Variants in CPED1 observed in about 807,000 individuals in gnomAD.
CPED1 encodes the protein cadherin like and PC-esterase domain containing 1.
In CPED1, 114 loss-of-function variants were observed where a neutral mutation model predicts 128.2. That is an observed-to-expected ratio of 0.89 (90% CI 0.76 to 1.04). CPED1 has a LOEUF of 1.04. Ranked by LOEUF, CPED1 falls within the 50% of genes least tolerant of loss-of-function variation. The pLI is 0.00. For synonymous variants in CPED1, 462 were observed against 426.7 expected (o/e 1.08, Z -1.02); for missense variants, 1,211 against 1,207.1 (o/e 1.00, Z -0.05).
intron 13 of CPED1, among the ~76,000 whole-genome samples, chr7:121,135,717 T>TA (rs1183859339): frequency 1.3e-5 from 2 of 152,088 alleles, no homozygotes; most frequent in Non-Finnish European, 2.9e-5. Context: ...ATGGCACTCT[T>TA]ACAATTCTAA....
At chr7:121,254,185 A>C (rs1359559384) in intron 18 of CPED1, among the ~76,000 whole-genome samples, 1 of 152,102 alleles carries the variant, frequency 6.6e-6, no homozygotes, top group Non-Finnish European at 1.5e-5. Context: ...AACAGATTCC[A>C]AAAAATTAAA....
intron 16 of CPED1, among the ~76,000 whole-genome samples, chr7:121,221,071 C>T (rs1331396903): frequency 6.6e-6 from 1 of 152,020 alleles, no homozygotes; most frequent in African/African-American, 2.4e-5. Flanking sequence ...CACCCATCAA[C>T]TCGTCATTTA....
chr7:120,996,580 C>T (rs1405116744), intron 2 of CPED1, among the ~76,000 whole-genome samples: 1 of 152,128 alleles, frequency 6.6e-6, no homozygotes, highest in Non-Finnish European at 1.5e-5. Flanking sequence ...CCTTTTTTAG[C>T]TCTAACTTCT....
intron 3 of CPED1, among the ~76,000 whole-genome samples, chr7:121,028,681 GGAAAAAACATT>G (rs1792657674): frequency 6.6e-6 from 1 of 152,082 alleles, no homozygotes; most frequent in East Asian, 1.9e-4. Flanking sequence ...ATGATACTGT[GGAAAAAACATT>G]GGCCTAGGTT....
In CPED1 at chr7:121,185,970, C is replaced by T. The variant is rs564127992; in HGVS notation, c.2055+43829C>T. 4.6e-5 allele frequency among the ~76,000 whole-genome samples: 7 copies of T among 152,194 alleles called. No homozygotes were observed. The South Asian group carries it at 1.0e-3, about 23-fold the overall frequency. On this transcript the variant is annotated intron_variant, in intron 16 of 22. Coordinates refer to ENST00000310396, the MANE Select transcript of CPED1 (RefSeq NM_024913.5). ...TGCAAACAACTGATTAGTCATATAT[C>T]GTGTTTTAAAGTATTGAGAGTTACA...
chr7:121,236,606 C>T (rs1798260451), intron 16 of CPED1, 108 bp from the exon 17 acceptor site: 1 of 545,488 alleles, frequency 1.8e-6, no homozygotes, highest in East Asian at 3.1e-5. Flanking sequence ...ATATTTGCTC[C>T]CTTTTATCCA....
chr7:121,258,794 A>G (rs1407543759), intron 18 of CPED1, among the ~76,000 whole-genome samples: 3 of 152,104 alleles, frequency 2.0e-5, no homozygotes, highest in African/African-American at 7.2e-5. Flanking sequence ...CTTTCAATTA[A>G]TATGTAAAAT....
chr7:121,101,390 A>C (rs1184943538), intron 7 of CPED1, among the ~76,000 whole-genome samples: 1 of 152,084 alleles, frequency 6.6e-6, no homozygotes, highest in African/African-American at 2.4e-5. Context: ...CTTTAATTCT[A>C]AAAATTTGTT....
chr7:121,049,382 A>G (rs1793291525), intron 4 of CPED1, among the ~76,000 whole-genome samples: 1 of 152,218 alleles, frequency 6.6e-6, no homozygotes, highest in Non-Finnish European at 1.5e-5. Context: ...AGCTTTTGCC[A>G]TATCACAGAC....
chr7:121,139,533 A>G (rs1221308464), intron 14 of CPED1, among the ~76,000 whole-genome samples: 2 of 151,980 alleles, frequency 1.3e-5, no homozygotes, highest in African/African-American at 2.4e-5. Flanking sequence ...ACGTCCATCA[A>G]AGAAAAATAA....
At chr7:121,087,538 A>C (rs1400248202) in intron 5 of CPED1, among the ~76,000 whole-genome samples, 1 of 152,064 alleles carries the variant, frequency 6.6e-6, no homozygotes, top group Non-Finnish European at 1.5e-5. Context: ...TTTTAACTTA[A>C]AGCTAACTTG....
chr7:121,262,339 T>C lies in CPED1; in HGVS notation c.2311-3888T>C, dbSNP rs552864018. Among the ~76,000 whole-genome samples the C allele has an allele frequency of 1.3e-5, 2 of 152,110 alleles. 1 individual carries two copies. The highest frequency in any genetic ancestry group is 2.9e-5 in the Non-Finnish European group (2 of 67,958). On this transcript the variant is annotated intron_variant, in intron 18 of 22. Coordinates refer to ENST00000310396, the MANE Select transcript of CPED1 (RefSeq NM_024913.5). Reference sequence around the variant, plus strand: ...TTTATAGTGATGCAAGACAGACTAATGTAACAATTTTAAAACAAGCTTCAA... The same window carrying C: ...TTTATAGTGATGCAAGACAGACTAACGTAACAATTTTAAAACAAGCTTCAA...
At chr7:121,091,244 C>T (rs1794566526) in intron 5 of CPED1, among the ~76,000 whole-genome samples, 1 of 152,056 alleles carries the variant, frequency 6.6e-6, no homozygotes, top group African/African-American at 2.4e-5. Context: ...ATACAGAATT[C>T]CTTTAAAGAA....
At chr7:121,224,375 C>A (rs977412148) in intron 16 of CPED1, among the ~76,000 whole-genome samples, 1 of 152,086 alleles carries the variant, frequency 6.6e-6, no homozygotes, top group Non-Finnish European at 1.5e-5. Context: ...TTCTTTGCTT[C>A]CAATTATGTG....
chr7:121,139,253 T>A (rs1447289511), intron 14 of CPED1, among the ~76,000 whole-genome samples: 1 of 152,038 alleles, frequency 6.6e-6, no homozygotes, highest in Admixed American at 6.6e-5. Context: ...ACATTACTAG[T>A]AGTTTATTTT....
intron 18 of CPED1, among the ~76,000 whole-genome samples, chr7:121,265,948 A>C (rs1177496390): frequency 6.6e-6 from 1 of 152,108 alleles, no homozygotes; most frequent in Non-Finnish European, 1.5e-5. Flanking sequence ...AACGAGAAAT[A>C]AAGAGCATAA....
chr7:121,000,830 G>A (rs1791832766), intron 2 of CPED1, among the ~76,000 whole-genome samples: 1 of 152,114 alleles, frequency 6.6e-6, no homozygotes, highest in Non-Finnish European at 1.5e-5. Flanking sequence ...CTAGCTATAG[G>A]ACAACTGGTA....
At chr7:121,146,132 G>C (rs1158015971) in intron 16 of CPED1, among the ~76,000 whole-genome samples, 1 of 152,042 alleles carries the variant, frequency 6.6e-6, no homozygotes, top group Non-Finnish European at 1.5e-5. Context: ...TTTAGTTGTG[G>C]AGGCTGGGAA....
At chr7:121,081,130 A>G (rs1794282785) in intron 5 of CPED1, among the ~76,000 whole-genome samples, 1 of 152,180 alleles carries the variant, frequency 6.6e-6, no homozygotes, top group African/African-American at 2.4e-5. Flanking sequence ...ACCATAATTA[A>G]TATTAGTAGG....
Sources: allele counts gnomAD v4.1 joint callset (sites outside exome capture counted in the v4.1 genomes callset), GRCh38; gene constraint gnomAD v4.1.1; transcripts MANE v1.5; gene names NCBI Gene and HGNC (gene_info 2026-07-23, HGNC 2026-07-21).